SLF1: variants seen among roughly 807,000 people sequenced by gnomAD.
SLF1 encodes SMC5-SMC6 complex localization factor protein 1.
SLF1 carries 105 observed loss-of-function variants against 123.0 expected under a neutral mutation model. The observed-to-expected ratio is 0.85, with a 90% CI of 0.73 to 1.00. The LOEUF is 1.00. Ranked by LOEUF, SLF1 falls within the 50% of genes least tolerant of loss-of-function variation. The pLI is 0.00. For missense variants in SLF1, 1,239 were observed against 1,223.0 expected, an observed-to-expected ratio of 1.01 and a Z score of -0.20; for synonymous variants, 434 against 406.6, an observed-to-expected ratio of 1.07 and a Z score of -0.81.
At chr5:94,630,365 C>A in intron 3 of SLF1, 138 bp from the exon 4 acceptor site, 2 of 1,001,494 alleles carry the variant, frequency 2.0e-6, no homozygotes, top group Non-Finnish European at 1.4e-6. Context: ...CCCCAAAATG[C>A]ATAGTTCAAA....
chr5:94,635,337 C>CT (rs34524874), intron 4 of SLF1, among the ~76,000 whole-genome samples: 2,362 of 43,642 alleles, frequency 0.054, 98 homozygotes, highest in East Asian at 0.11. Context: ...ACATACTCGG[C>CT]TTTTTTTTTT....
intron 4 of SLF1, among the ~76,000 whole-genome samples, chr5:94,634,324 T>C (rs1446067220): frequency 6.6e-6 from 1 of 152,148 alleles, no homozygotes; most frequent in Non-Finnish European, 1.5e-5. Context: ...CCCACCTCCA[T>C]CCAGCCTTTG....
rs755520066 is a variant in SLF1 at position 94,695,162 on chromosome 5, T to C, written c.3027T>C (p.Asp1009=). The C allele has an allele frequency of 6.2e-7, 1 of 1,612,886 alleles. No homozygotes were observed. The highest frequency in any genetic ancestry group is 8.5e-7 in the Non-Finnish European group (1 of 1,179,160). Residue 1009 remains aspartate (D), a synonymous_variant, in exon 21 of 21, where the codon GAT becomes GAC. Coordinates refer to ENST00000265140, the MANE Select transcript of SLF1 (RefSeq NM_032290.4). ...GTGTTCATACTGACTGGTTACTGGA[T>C]CTTTATGCTGGAAATATAAAGACAT... is the stretch of plus-strand genomic sequence containing the variant. ...TTSVHTDWLL[D]LYAGNIKTLQ...
intron 1 of SLF1, among the ~76,000 whole-genome samples, chr5:94,624,589 A>G (rs1241544602): frequency 6.6e-6 from 1 of 152,222 alleles, no homozygotes; most frequent in African/African-American, 2.4e-5. Context: ...GCAACATAGT[A>G]TATGTTTATT....
chr5:94,681,973 A>G (rs1585222109), intron 15 of SLF1, among the ~76,000 whole-genome samples: 2 of 152,186 alleles, frequency 1.3e-5, no homozygotes, highest in African/African-American at 4.8e-5. Context: ...TTGCCTAGCT[A>G]TAACCAAATT....
At chr5:94,667,980 T>C (rs1302951369) in intron 12 of SLF1, among the ~76,000 whole-genome samples, 1 of 152,046 alleles carries the variant, frequency 6.6e-6, no homozygotes. Context: ...CCACTTGAGC[T>C]CAAGTTTTCT....
Position 94,688,586 on chromosome 5 carries a change from G to A in SLF1, c.2202G>A (p.Gln734=). 1 of 1,614,066 alleles carries A rather than the reference G, an allele frequency of 6.2e-7. No individual in the cohort carries two copies. Among genetic ancestry groups the A allele is most frequent in the South Asian group, 1.1e-5 (1 of 91,072 alleles). ...GKIQVSKKIG[Q]RPCFDSQRTL... is the part of the protein sequence containing the mutation. ...TTCAGGTGTCAAAGAAAATAGGACA[G>A]CGGCCTTGTTTTGACTCTCAGAGAA... Residue 734 remains glutamine (Q), a synonymous_variant, in exon 17 of 21, where the codon CAG becomes CAA. Transcript: ENST00000265140.
chr5:94,662,768 T>C (rs1029791743), intron 10 of SLF1, among the ~76,000 whole-genome samples: 1 of 152,222 alleles, frequency 6.6e-6, no homozygotes, highest in Non-Finnish European at 1.5e-5. Flanking sequence ...ACAATACATA[T>C]ATCCAGTCTA....
intron 19 of SLF1, 130 bp downstream of exon 19, chr5:94,691,786 C>A: frequency 1.3e-6 from 1 of 745,078 alleles, no homozygotes; most frequent in Non-Finnish European, 2.0e-6. Flanking sequence ...AGAAAAATTT[C>A]TTAGCAAAGC....
At chr5:94,672,016 A>G (rs182893416) in intron 14 of SLF1, among the ~76,000 whole-genome samples, 59 of 152,226 alleles carry the variant, frequency 3.9e-4, no homozygotes, top group African/African-American at 1.2e-3. Flanking sequence ...TTGGCTCCAT[A>G]TAAGACTAGG....
chr5:94,634,359 C>T (rs906015140), intron 4 of SLF1, among the ~76,000 whole-genome samples: 2 of 152,166 alleles, frequency 1.3e-5, no homozygotes, highest in African/African-American at 4.8e-5. Context: ...GCTCTCTGCA[C>T]CTATGCGTTC....
At position 94,628,932 on chromosome 5, in the gene SLF1, A is replaced by G; in HGVS notation, c.114+8A>G. 6.6e-7 allele frequency: 1 copy of G among 1,518,210 alleles called. No individual in the cohort carries two copies. Among genetic ancestry groups the G allele is most frequent in the Non-Finnish European group, 8.9e-7 (1 of 1,125,878 alleles). The allele number at this position is 1,518,210 out of a possible 1,614,324, so 94.0% of individuals were successfully genotyped here. On this transcript the variant is annotated splice_region_variant and intron_variant, in intron 2 of 20. Coordinates refer to ENST00000265140, the MANE Select transcript of SLF1 (RefSeq NM_032290.4). ...ACTTTTATTAAGAGTGAGGTAAGAA[A>G]CTTATCAAAATGTTCAAGATATATT...
At chr5:94,621,575 A>T (rs1257285892) in intron 1 of SLF1, among the ~76,000 whole-genome samples, 1 of 152,104 alleles carries the variant, frequency 6.6e-6, no homozygotes, top group Non-Finnish European at 1.5e-5. Context: ...CTGTCCACCT[A>T]TTCTTTTTCT....
chr5:94,654,675 A>G lies in SLF1; in HGVS notation c.1078A>G (p.Lys360Glu), dbSNP rs543724498. The G allele has an allele frequency of 7.1e-6, 11 of 1,545,778 alleles. No individual in the cohort carries two copies. The South Asian group carries it at 1.2e-4, about 17-fold the overall frequency. ...SIFAEYAKES[K>E]AMAIKTDVDV... The stretch of plus-strand genomic sequence containing the variant: ...TTTTGCTGAATATGCCAAAGAATCA[A>G]AAGCCATGGCTATTAAGACAGATGT... Residue 360 changes from lysine to glutamate, a missense_variant, in exon 9 of 21, where the codon AAA becomes GAA. By Grantham distance (56) the Lys-to-Glu change is moderately conservative. Transcript: ENST00000265140.
chr5:94,658,693 C>T (rs946194948), intron 9 of SLF1, among the ~76,000 whole-genome samples: 3 of 152,124 alleles, frequency 2.0e-5, no homozygotes, highest in Non-Finnish European at 2.9e-5. Context: ...ACACTTGGGA[C>T]GTTTTCAGCT....
chr5:94,658,884 A>T (rs1027415844), intron 9 of SLF1, among the ~76,000 whole-genome samples: 2 of 148,456 alleles, frequency 1.3e-5, no homozygotes, highest in South Asian at 2.1e-4. Context: ...TGCTTGATCT[A>T]GTCTATTGCT....
chr5:94,623,872 A>G lies in SLF1; in HGVS notation c.1-4939A>G, dbSNP rs150557800. ...TATAAATAAATCAATCAGTATATCT[A>G]TACATGTTTATATCTATTCCTACAT... On this transcript the variant is annotated intron_variant, in intron 1 of 20. Transcript: ENST00000265140. 5.3e-5 allele frequency among the ~76,000 whole-genome samples: 8 copies of G among 152,304 alleles called. No individual in the cohort carries two copies. In the East Asian group the frequency reaches 1.5e-3, roughly 29 times the overall value.
At chr5:94,693,346 A>T (rs1167229611) in intron 20 of SLF1, among the ~76,000 whole-genome samples, 1 of 151,712 alleles carries the variant, frequency 6.6e-6, no homozygotes, top group Non-Finnish European at 1.5e-5. Context: ...CTACCTCCTT[A>T]ATGTTTTATT....
At chr5:94,648,808 G>A (rs1490077916) in intron 5 of SLF1, among the ~76,000 whole-genome samples, 1 of 152,134 alleles carries the variant, frequency 6.6e-6, no homozygotes, top group African/African-American at 2.4e-5. Flanking sequence ...TACATTTTGG[G>A]AACTGTCATG....
Sources: gnomAD v4.1 joint callset for allele counts (sites outside exome capture counted in the v4.1 genomes callset) on GRCh38, gnomAD v4.1.1 for gene constraint, MANE v1.5 for transcripts, NCBI Gene and HGNC (gene_info 2026-07-23, HGNC 2026-07-21) for gene names.